The following TTC17 variants were observed in gnomAD, a reference collection of about 807,000 sequenced individuals.
TTC17 encodes tetratricopeptide repeat domain 17, also known as tetratricopeptide repeat protein 17.
Under a neutral mutation model 143.8 loss-of-function variants are expected in TTC17, and 58 were observed. The ratio of observed to expected loss-of-function variants is 0.40; its 90% CI spans 0.33 to 0.50. The LOEUF (loss-of-function observed/expected upper bound fraction) is 0.50, where lower values mean the gene tolerates loss of function less well. Among genes scored for constraint, TTC17 ranks in the 20% least tolerant of loss-of-function variants. TTC17 has a pLI of 0.49. For synonymous variants in TTC17, 501 were observed against 497.8 expected (o/e 1.01, Z -0.09); for missense variants, 1,273 against 1,392.5 (o/e 0.91, Z 1.37).
At chr11:43,440,613 T>A (rs2134718497) in intron 16 of TTC17, among the ~76,000 whole-genome samples, 1 of 152,290 alleles carries the variant, frequency 6.6e-6, no homozygotes, top group East Asian at 1.9e-4. Flanking sequence ...ATTCAATACC[T>A]TTCTAATTGG....
intron 1 of TTC17, among the ~76,000 whole-genome samples, chr11:43,360,583 C>T (rs1164678890): frequency 1.3e-5 from 2 of 152,206 alleles, no homozygotes; most frequent in Non-Finnish European, 2.9e-5. Context: ...TACTCTATGA[C>T]ATTGACTTCT....
At chr11:43,408,745 C>T (rs944728488) in intron 15 of TTC17, among the ~76,000 whole-genome samples, 2 of 149,262 alleles carry the variant, frequency 1.3e-5, no homozygotes, top group African/African-American at 4.9e-5. Flanking sequence ...AAAAATATAC[C>T]TTTTTTTTTT....
At chr11:43,486,610 T>C (rs1278003022) in intron 21 of TTC17, among the ~76,000 whole-genome samples, 2 of 152,218 alleles carry the variant, frequency 1.3e-5, no homozygotes, top group Non-Finnish European at 2.9e-5. Flanking sequence ...GAGGATAGAA[T>C]GGTGTAAGAA....
intron 5 of TTC17, among the ~76,000 whole-genome samples, chr11:43,392,559 C>A (rs556689369): frequency 6.6e-6 from 1 of 152,252 alleles, no homozygotes; most frequent in East Asian, 1.9e-4. Flanking sequence ...GTATAATTGC[C>A]ACCTTTGTAT....
At chr11:43,440,105 T>C (rs1947383259) in intron 16 of TTC17, among the ~76,000 whole-genome samples, 1 of 152,214 alleles carries the variant, frequency 6.6e-6, no homozygotes, top group Non-Finnish European at 1.5e-5. Context: ...CCTTCTGAGA[T>C]CTCTCTACAA....
chr11:43,482,202 C>T (rs1165537071), intron 21 of TTC17, among the ~76,000 whole-genome samples: 3 of 150,898 alleles, frequency 2.0e-5, no homozygotes, highest in Admixed American at 6.6e-5. Context: ...TTGTAATTTC[C>T]TTGTCTTCCG....
chr11:43,490,854 CAAAAAAAAAAAAAA>C (rs57074352), intron 22 of TTC17: 9 of 66,562 alleles, frequency 1.4e-4, no homozygotes, highest in Admixed American at 2.1e-4. Flanking sequence ...ACTTTTTCCA[CAAAAAAAAAAAAAA>C]AAAAAAAAAA....
intron 3 of TTC17, 98 bp downstream of exon 3, chr11:43,389,919 T>A: frequency 8.9e-7 from 1 of 1,127,292 alleles, no homozygotes; most frequent in Non-Finnish European, 1.3e-6. Flanking sequence ...TAAGCTTCAA[T>A]CACAGATGAG....
intron 15 of TTC17, among the ~76,000 whole-genome samples, chr11:43,412,648 T>C (rs1165783587): frequency 6.6e-6 from 1 of 152,130 alleles, no homozygotes; most frequent in Non-Finnish European, 1.5e-5. Context: ...AACCTGACAC[T>C]CAAGGGAAAT....
At chr11:43,367,746 GTC>G (rs1554982425) in intron 1 of TTC17, among the ~76,000 whole-genome samples, 11 of 139,560 alleles carry the variant, frequency 7.9e-5, no homozygotes, top group East Asian at 4.4e-4. Flanking sequence ...GTGTGTGTGT[GTC>G]TCTTTTACAG....
At chr11:43,416,653 AAAT>A (rs1166386320) in intron 16 of TTC17, among the ~76,000 whole-genome samples, 1 of 152,152 alleles carries the variant, frequency 6.6e-6, no homozygotes, top group Non-Finnish European at 1.5e-5. Flanking sequence ...CAATAAGAGA[AAAT>A]AACTTGACAT....
chr11:43,444,726 C>T (rs1427475156), intron 18 of TTC17, among the ~76,000 whole-genome samples: 1 of 147,334 alleles, frequency 6.8e-6, no homozygotes, highest in African/African-American at 2.6e-5. Flanking sequence ...AATACATACA[C>T]ACACACACAC....
At chr11:43,405,742 C>G (rs374669337) in intron 12 of TTC17, 44 bp from the exon 13 acceptor site, 1 of 1,612,214 alleles carries the variant, frequency 6.2e-7, no homozygotes, top group South Asian at 1.1e-5. Context: ...TTGAAGTCAC[C>G]CAAACTTTGA....
At chr11:43,370,021 C>T (rs1856500959) in intron 1 of TTC17, 1 of 448,424 alleles carries the variant, frequency 2.2e-6, no homozygotes, top group African/African-American at 2.0e-5. Flanking sequence ...TTCTCAATCT[C>T]ATACAATGAA....
intron 21 of TTC17, among the ~76,000 whole-genome samples, chr11:43,481,074 A>T (rs1409644750): frequency 6.6e-6 from 1 of 152,120 alleles, no homozygotes; most frequent in Admixed American, 6.5e-5. Flanking sequence ...AGGCATAGTT[A>T]TATTAATTAC....
At chr11:43,435,684 A>T (rs1239789334) in intron 16 of TTC17, among the ~76,000 whole-genome samples, 1 of 152,120 alleles carries the variant, frequency 6.6e-6, no homozygotes, top group Non-Finnish European at 1.5e-5. Flanking sequence ...TCCCCCTTTA[A>T]TTCTTTGGCT....
chr11:43,444,153 G>A lies in TTC17; in HGVS notation c.2609G>A (p.Arg870His), dbSNP rs368183931. 1.2e-4 allele frequency: 192 copies of A among 1,613,156 alleles called. 1 individual carries two copies. Among genetic ancestry groups the A allele is most frequent in the South Asian group, 1.2e-3 (106 of 90,856 alleles). ...ACAGGTCAGATAGAAAATGGACATC[G>A]TTACCAAGCAAACCTAGAGATCACT... ...VETGQIENGH[R>H]YQANLEITGP... The change falls in exon 18 of 24, where the codon CGT becomes CAT. Residue 870 changes from arginine (R) to histidine (H), a missense_variant. By Grantham distance (29) the Arg-to-His change is conservative (BLOSUM62 0). This residue lies in a region of TTC17 where 878 missense variants were observed against 899.8 expected (regional missense o/e 0.98). Coordinates refer to ENST00000039989, the MANE Select transcript of TTC17 (RefSeq NM_018259.6).
chr11:43,387,437 G>A (rs777700231), intron 2 of TTC17, among the ~76,000 whole-genome samples: 35 of 151,522 alleles, frequency 2.3e-4, no homozygotes, highest in Middle Eastern at 3.5e-3. Context: ...AAGTCAGTAG[G>A]GCAGGATAGC....
At chr11:43,394,886 C>A (rs1011179277) in intron 5 of TTC17, among the ~76,000 whole-genome samples, 22 of 152,064 alleles carry the variant, frequency 1.4e-4, no homozygotes, top group African/African-American at 4.8e-4. Flanking sequence ...GAAAGGGTAT[C>A]CTGCAGAATG....
Sources: allele counts gnomAD v4.1 joint callset (sites outside exome capture counted in the v4.1 genomes callset), GRCh38; gene constraint gnomAD v4.1.1; regional missense constraint gnomAD v4.1.1; transcripts MANE v1.5; gene names NCBI Gene and HGNC (gene_info 2026-07-23, HGNC 2026-07-21).